Variants in RAB32 observed in about 807,000 individuals in gnomAD.
RAB32 encodes the protein RAB32, member RAS oncogene family.
In RAB32, 17 loss-of-function variants were observed where a neutral mutation model predicts 17.5. That is an observed-to-expected ratio of 0.97 (90% CI 0.67 to 1.46). The LOEUF (loss-of-function observed/expected upper bound fraction) is 1.46. Among genes scored for constraint, RAB32 ranks in the 40% most tolerant of loss-of-function variants. The pLI is 0.00. For synonymous variants in RAB32, 115 were observed against 111.1 expected (o/e 1.04, Z -0.22); for missense variants, 288 against 284.3 (o/e 1.01, Z -0.09).
chr6:146,554,447 G>A lies in RAB32; in HGVS notation c.529-9G>A. 1 of 1,596,546 alleles carries A rather than the reference G, an allele frequency of 6.3e-7. No individual in the cohort carries two copies. Among genetic ancestry groups the A allele is most frequent in the Non-Finnish European group, 8.5e-7 (1 of 1,174,852 alleles). On this transcript the variant is annotated splice_polypyrimidine_tract_variant and intron_variant, in intron 2 of 2. Coordinates refer to ENST00000367495, the MANE Select transcript of RAB32 (RefSeq NM_006834.5). The stretch of plus-strand genomic sequence containing the variant: ...AAAATTAATCCCGTTCTTCATTTCT[G>A]CATTACAGGATAACATAAACATAGA...
chr6:146,546,846 C>T (rs954043967), intron 1 of RAB32, among the ~76,000 whole-genome samples: 2 of 130,046 alleles, frequency 1.5e-5, no homozygotes, highest in Non-Finnish European at 3.1e-5. Context: ...GAAATTATGA[C>T]GAATCTCTAT....
At chr6:146,548,650 A>G (rs1393683300) in intron 1 of RAB32, among the ~76,000 whole-genome samples, 1 of 152,198 alleles carries the variant, frequency 6.6e-6, no homozygotes, top group Non-Finnish European at 1.5e-5. Context: ...AGTCAGTGCC[A>G]CTATAATCCT....
rs1218838919 is a variant in RAB32, at chr6:146,544,041, C to T, written c.170C>T (p.Thr57Ile). 3.1e-6 allele frequency: 5 copies of T among 1,613,862 alleles called. No homozygotes were observed. Among genetic ancestry groups the T allele is most frequent in the African/African-American group, 2.7e-5 (2 of 74,938 alleles). The change falls in exon 1 of 3, where the codon ACC becomes ATC. Residue 57 changes from threonine to isoleucine, a missense_variant. Coordinates refer to ENST00000367495, the MANE Select transcript of RAB32 (RefSeq NM_006834.5). ...HQLFSQHYRA[T>I]IGVDFALKVL... Reference sequence around the variant, plus strand: ...CTCTTCTCCCAGCACTACCGGGCCACCATCGGGGTGGACTTCGCCCTCAAG... The same window carrying T: ...CTCTTCTCCCAGCACTACCGGGCCATCATCGGGGTGGACTTCGCCCTCAAG...
chr6:146,546,711 G>A (rs1779826306), intron 1 of RAB32, among the ~76,000 whole-genome samples: 1 of 149,886 alleles, frequency 6.7e-6, no homozygotes, highest in East Asian at 2.0e-4. Context: ...AATATTCTTT[G>A]ATTGCACAAT....
Position 146,554,501 on chromosome 6 carries a change from AT to A in RAB32, c.576del (p.Val194Ter). On this transcript the variant is annotated frameshift_variant, in exon 3 of 3. Transcript: ENST00000367495. LOFTEE classifies it low-confidence loss of function (END_TRUNC). The stretch of plus-strand genomic sequence containing the variant: ...AGCTGCCCGGTTCCTAGTGGAGAAG[AT>A]TCTTGTAAACCACCAAAGCTTTCCT... Reference protein sequence around the residue: ...EEAARFLVEKILVNHQSFPNE... With the variant: ...EEAARFLVEKXLVNHQSFPNE... 14 of 1,613,752 alleles carry A rather than the reference AT, an allele frequency of 8.7e-6. No homozygotes were observed. Among genetic ancestry groups the A allele is most frequent in the Non-Finnish European group, 1.2e-5 (14 of 1,179,776 alleles).
intron 2 of RAB32, among the ~76,000 whole-genome samples, chr6:146,553,936 T>C (rs1779927174): frequency 1.3e-5 from 2 of 152,360 alleles, no homozygotes; most frequent in South Asian, 4.1e-4. Flanking sequence ...TAGGGTGTCC[T>C]TAATGGACAT....
At position 146,543,971 on chromosome 6, in the gene RAB32, C is replaced by G. The variant is rs753620343; in HGVS notation, c.100C>G (p.Leu34Val). 14 of 1,613,434 alleles carry G rather than the reference C, an allele frequency of 8.7e-6. No homozygotes were observed. Among genetic ancestry groups the G allele is most frequent in the African/African-American group, 2.7e-5 (2 of 74,898 alleles). ...HLFKVLVIGELGVGKTSIIKR... is the reference protein window; with the variant it reads ...HLFKVLVIGEVGVGKTSIIKR... ...CTTCAAGGTGCTGGTGATCGGCGAG[C>G]TTGGCGTGGGCAAGACCAGCATCAT... The change falls in exon 1 of 3, where the codon CTT (leucine) becomes GTT (valine). Residue 34 changes from leucine to valine, a missense_variant. Physicochemically the swap from Leu to Val is conservative, Grantham distance 32. Transcript: ENST00000367495.
chr6:146,546,336 AATTATTAGGCTCAC>A (rs765953834), intron 1 of RAB32, among the ~76,000 whole-genome samples: 48 of 152,102 alleles, frequency 3.2e-4, no homozygotes, highest in Non-Finnish European at 2.8e-4. Flanking sequence ...AATTTATAGA[AATTATTAGGCTCAC>A]ATTATAAGTA....
At chr6:146,548,298 T>A (rs1779848033) in intron 1 of RAB32, among the ~76,000 whole-genome samples, 1 of 152,234 alleles carries the variant, frequency 6.6e-6, no homozygotes, top group South Asian at 2.1e-4. Context: ...ATTGTTTTAT[T>A]CTTCTTCCAT....
Position 146,549,536 on chromosome 6 carries a change from T to G in RAB32, c.323T>G (p.Ile108Arg), listed in dbSNP as rs759012833. The change falls in exon 2 of 3, where the codon ATA becomes AGA. Residue 108 changes from isoleucine to arginine, a missense_variant. Physicochemically the swap from Ile to Arg is moderately conservative, Grantham distance 97. Transcript: ENST00000367495. ...EAVGAFVVFD[I>R]SRSSTFEAVL... ...GTTGGTGCTTTTGTAGTCTTTGATA[T>G]ATCAAGAAGTTCCACATTTGAGGCA... 24 of 1,614,162 alleles carry G rather than the reference T, an allele frequency of 1.5e-5. No homozygotes were observed. The highest frequency in any genetic ancestry group is 5.0e-5 in the Admixed American group (3 of 60,028).
intron 1 of RAB32, among the ~76,000 whole-genome samples, chr6:146,546,565 C>T (rs1052803392): frequency 1.3e-5 from 2 of 152,096 alleles, no homozygotes; most frequent in African/African-American, 4.8e-5. Flanking sequence ...TGAATCTCAG[C>T]TCATACCATT....
In RAB32 at chr6:146,549,740, A is replaced by G; in HGVS notation, c.527A>G (p.Lys176Arg). The change falls in exon 2 of 3, where the codon AAG becomes AGG. Residue 176 changes from lysine to arginine, a missense_variant and splice_region_variant. Coordinates refer to ENST00000367495, the MANE Select transcript of RAB32 (RefSeq NM_006834.5). ...GCCGGATGGTTTGAAACCTCTGCAA[A>G]GGTGAGATCTGCTTTGCTTATGCAT... is the stretch of plus-strand genomic sequence containing the variant. The part of the protein sequence containing the change: ...GFAGWFETSA[K>R]DNINIEEAAR... 6.2e-7 allele frequency: 1 copy of G among 1,612,790 alleles called. No homozygotes were observed. Among genetic ancestry groups the G allele is most frequent in the Non-Finnish European group, 8.5e-7 (1 of 1,179,154 alleles).
intron 1 of RAB32, among the ~76,000 whole-genome samples, chr6:146,547,346 C>A (rs1045394956): frequency 6.6e-6 from 1 of 152,054 alleles, no homozygotes; most frequent in Non-Finnish European, 1.5e-5. Flanking sequence ...GTCTAGTATA[C>A]TTTAGCCTTC....
chr6:146,550,762 G>A (rs1198669108), intron 2 of RAB32, among the ~76,000 whole-genome samples: 3 of 151,402 alleles, frequency 2.0e-5, no homozygotes, highest in Non-Finnish European at 1.5e-5. Context: ...TTCACATAAG[G>A]GGGTTAGTGA....
chr6:146,549,084 C>A (rs577781259), intron 1 of RAB32, among the ~76,000 whole-genome samples: 2 of 152,210 alleles, frequency 1.3e-5, no homozygotes, highest in African/African-American at 2.4e-5. Flanking sequence ...CTGCAGGCTT[C>A]ATTTCTTCTA....
intron 2 of RAB32, among the ~76,000 whole-genome samples, chr6:146,552,758 T>C (rs1779912465): frequency 6.6e-6 from 1 of 151,826 alleles, no homozygotes; most frequent in Non-Finnish European, 1.5e-5. Flanking sequence ...TAAATATCAT[T>C]CTCCAGTAAA....
At chr6:146,546,772 T>C (rs534626446) in intron 1 of RAB32, among the ~76,000 whole-genome samples, 55 of 150,960 alleles carry the variant, frequency 3.6e-4, no homozygotes, top group South Asian at 3.3e-3. Flanking sequence ...GTGGTGTTTT[T>C]ACTAGTTAGG....
At chr6:146,551,399 A>G (rs555132659) in intron 2 of RAB32, among the ~76,000 whole-genome samples, 1 of 152,196 alleles carries the variant, frequency 6.6e-6, no homozygotes, top group Admixed American at 6.5e-5. Flanking sequence ...TACTTTTTGC[A>G]TTTTTAGTAG....
chr6:146,551,296 A>G (rs75333604), intron 2 of RAB32, among the ~76,000 whole-genome samples: 2,688 of 152,310 alleles, frequency 0.018, 102 homozygotes, highest in African/African-American at 0.062. Context: ...TCTGACACGA[A>G]GGAGAAAATC....
Sources: allele counts gnomAD v4.1 joint callset (sites outside exome capture counted in the v4.1 genomes callset), GRCh38; gene constraint gnomAD v4.1.1; transcripts MANE v1.5; gene names NCBI Gene and HGNC (gene_info 2026-07-23, HGNC 2026-07-21).